DENND10: variants seen among roughly 807,000 people sequenced by gnomAD.
The protein encoded by DENND10 is DENN domain containing 10, also known as DENN domain-containing protein 10.
DENND10 carries 24 observed loss-of-function variants against 43.6 expected under a neutral mutation model. That is an observed-to-expected ratio of 0.55 (90% CI 0.40 to 0.77). DENND10 has a LOEUF of 0.77. DENND10 is among the 30% of genes least tolerant of loss of function. DENND10 has a pLI of 0.00. For missense variants in DENND10, 303 were observed against 429.9 expected (o/e 0.70, Z 2.61); for synonymous variants, 125 against 157.6 (o/e 0.79, Z 1.55).
At chr10:119,135,815 A>AAAAC (rs1564804559) in intron 8 of DENND10, among the ~76,000 whole-genome samples, 1 of 137,926 alleles carries the variant, frequency 7.3e-6, no homozygotes, top group African/African-American at 2.6e-5. Flanking sequence ...AAAAAAAAAA[A>AAAAC]ACCAAAACCA....
rs1009137175 is a variant in DENND10, at chr10:119,108,947, G to T, written c.252+783G>T. Among the ~76,000 whole-genome samples the T allele has an allele frequency of 3.8e-4, 9 of 23,734 alleles. No individual in the cohort carries two copies. In the East Asian group the frequency reaches 5.2e-3, roughly 14 times the overall value. The allele number at this position is 23,734 out of a possible 152,430, so 15.6% of individuals were successfully genotyped here. On this transcript the variant is annotated intron_variant, in intron 2 of 8. Coordinates refer to ENST00000361432, the MANE Select transcript of DENND10 (RefSeq NM_207009.4). The stretch of plus-strand genomic sequence containing the variant: ...TTAGAAAGGCAGGCCGAGCGTGTTG[G>T]CTCACGCCAGTAATCCCAGCATTTT...
At chr10:119,121,029 G>A (rs2133495085) in intron 5 of DENND10, among the ~76,000 whole-genome samples, 1 of 152,084 alleles carries the variant, frequency 6.6e-6, no homozygotes, top group South Asian at 2.1e-4. Context: ...TGCCCAGGGT[G>A]GTCTCAAACT....
rs771606570 is a variant in DENND10 at position 119,132,515 on chromosome 10, A to C, written c.803A>C (p.Glu268Ala). The change falls in exon 8 of 9, where the codon GAG becomes GCG. Residue 268 changes from glutamate (E) to alanine (A), a missense_variant and splice_region_variant. By Grantham distance (107) the Glu-to-Ala change is moderately radical (BLOSUM62 -1). Coordinates refer to ENST00000361432, the MANE Select transcript of DENND10 (RefSeq NM_207009.4). This position sits in a 1 kb window ranked among gnomAD's most constrained non-coding sequence, Gnocchi z 4.2. ...SEITIAPLAK[E>A]AMAMGKLHKE... ...ATATTCACCTTCTTGATCTCACCAG[A>C]GGCCATGGCAATGGGCAAACTGCAC... 6.0e-5 allele frequency: 96 copies of C among 1,610,952 alleles called. No homozygotes were observed. The highest frequency in any genetic ancestry group is 7.6e-5 in the Non-Finnish European group (90 of 1,177,198).
intron 3 of DENND10, among the ~76,000 whole-genome samples, chr10:119,112,720 C>T (rs951663994): frequency 6.6e-6 from 1 of 151,954 alleles, no homozygotes; most frequent in South Asian, 2.1e-4. Context: ...GTTTCAAACT[C>T]CTGAGCTCAA....
chr10:119,136,594 A>G lies in DENND10; in HGVS notation c.1021A>G (p.Thr341Ala), dbSNP rs1846372819. 1 of 1,578,340 alleles carries G rather than the reference A, an allele frequency of 6.3e-7. No homozygotes were observed. Among genetic ancestry groups the G allele is most frequent in the African/African-American group, 1.4e-5 (1 of 72,190 alleles). ...AAAGCAAAAACGATTTCCACCAGCA[A>G]CAGAAAACTTCCTTTATCATCTAGC... ...ALKQKRFPPA[T>A]ENFLYHLAAA... Residue 341 changes from threonine (T) to alanine (A), a missense_variant, in exon 9 of 9, where the codon ACA (threonine) becomes GCA (alanine). Physicochemically the swap from Thr to Ala is moderately conservative, Grantham distance 58. Coordinates refer to ENST00000361432, the MANE Select transcript of DENND10 (RefSeq NM_207009.4).
At chr10:119,106,179 C>T (rs34978039) in intron 1 of DENND10, among the ~76,000 whole-genome samples, 31 of 152,046 alleles carry the variant, frequency 2.0e-4, no homozygotes, top group Non-Finnish European at 3.5e-4. Flanking sequence ...GCTGAGATTG[C>T]GCCACCGCAC....
chr10:119,106,407 C>T (rs1368892091), intron 1 of DENND10, among the ~76,000 whole-genome samples: 1 of 152,132 alleles, frequency 6.6e-6, no homozygotes, highest in Non-Finnish European at 1.5e-5. Flanking sequence ...TGCAGTGGTG[C>T]ATAGCTCACG....
At chr10:119,111,974 C>A in intron 3 of DENND10, 46 bp downstream of exon 3, 4 of 1,376,596 alleles carry the variant, frequency 2.9e-6, no homozygotes, top group Non-Finnish European at 4.1e-6. Context: ...AAATGAAGAC[C>A]TTAGTATAGT....
chr10:119,135,815 A>AAAAAAAAAAAAAAAAAC (rs1564804559), intron 8 of DENND10, among the ~76,000 whole-genome samples: 14 of 137,998 alleles, frequency 1.0e-4, no homozygotes, highest in Admixed American at 1.5e-4. Context: ...AAAAAAAAAA[A>AAAAAAAAAAAAAAAAAC]ACCAAAACCA....
chr10:119,132,757 G>A lies in DENND10; in HGVS notation c.897+148G>A. 1 of 684,624 alleles carries A rather than the reference G, an allele frequency of 1.5e-6. No homozygotes were observed. 42.4% of individuals were successfully genotyped at this position (684,624 alleles called of 1,614,324 possible). ...GAGAGGGTTTACAGACGGCCACAGT[G>A]ATGATGGACAAGCAGGTGCAGGCTG... On this transcript the variant is annotated intron_variant, in intron 8 of 8. Transcript: ENST00000361432. This position sits in a 1 kb window ranked among gnomAD's most constrained non-coding sequence, Gnocchi z 4.2.
At chr10:119,129,349 A>G (rs1845978262) in intron 6 of DENND10, 166 bp from the exon 7 acceptor site, 1 of 598,402 alleles carries the variant, frequency 1.7e-6, no homozygotes, top group Non-Finnish European at 3.0e-6. Flanking sequence ...ATCTTCAGGC[A>G]ACTGATAGTA....
chr10:119,122,081 C>T (rs1845606049), intron 5 of DENND10, among the ~76,000 whole-genome samples: 1 of 151,936 alleles, frequency 6.6e-6, no homozygotes, highest in Non-Finnish European at 1.5e-5. Context: ...CTGAGGTTAG[C>T]AGATTGCCTG....
chr10:119,120,271 AAG>A, intron 4 of DENND10, 68 bp from the exon 5 acceptor site: 3 of 1,046,698 alleles, frequency 2.9e-6, no homozygotes, highest in Non-Finnish European at 2.9e-6. Flanking sequence ...AAAAGAAAAA[AAG>A]AAAAAAAAAT....
At chr10:119,131,355 G>T (rs532330107) in intron 7 of DENND10, among the ~76,000 whole-genome samples, 2 of 152,200 alleles carry the variant, frequency 1.3e-5, no homozygotes, top group African/African-American at 4.8e-5. Context: ...CTACTCGGGA[G>T]GCTGAGGCAG....
intron 1 of DENND10, among the ~76,000 whole-genome samples, chr10:119,104,399 C>T (rs1844581764): frequency 1.3e-5 from 2 of 151,420 alleles, no homozygotes; most frequent in South Asian, 4.1e-4. Context: ...CCCTCGCCCG[C>T]CCGCCCGCGG....
chr10:119,108,175 G>A lies in DENND10; in HGVS notation c.252+11G>A. ...TCCATTTTGAAAAAGGTATGATTGC[G>A]TGAAGGTAAAAAAAAAACCCCAAAA... is the stretch of plus-strand genomic sequence containing the variant. On this transcript the variant is annotated intron_variant, in intron 2 of 8. Transcript: ENST00000361432. 11 of 1,587,144 alleles carry A rather than the reference G, an allele frequency of 6.9e-6. No individual in the cohort carries two copies. Among genetic ancestry groups the A allele is most frequent in the Non-Finnish European group, 7.8e-6 (9 of 1,159,826 alleles).
chr10:119,106,773 G>C (rs1235388315), intron 1 of DENND10, among the ~76,000 whole-genome samples: 1 of 152,160 alleles, frequency 6.6e-6, no homozygotes, highest in Non-Finnish European at 1.5e-5. Context: ...GGCTGGGCAC[G>C]GTGGCTCACG....
chr10:119,124,794 G>C (rs759881060), intron 6 of DENND10, among the ~76,000 whole-genome samples: 4 of 151,914 alleles, frequency 2.6e-5, no homozygotes, highest in Non-Finnish European at 5.9e-5. Flanking sequence ...GGGCACAGTG[G>C]CTCACACCTG....
At chr10:119,110,254 C>T (rs1055805138) in intron 2 of DENND10, among the ~76,000 whole-genome samples, 1 of 151,610 alleles carries the variant, frequency 6.6e-6, no homozygotes, top group Non-Finnish European at 1.5e-5. Flanking sequence ...TCACTGCAAC[C>T]TCTGCCTCCC....
Sources: allele counts gnomAD v4.1 joint callset (sites outside exome capture counted in the v4.1 genomes callset), GRCh38; gene constraint gnomAD v4.1.1; non-coding constraint Gnocchi (gnomAD v3.1); transcripts MANE v1.5; gene names NCBI Gene and HGNC (gene_info 2026-07-23, HGNC 2026-07-21).